EPHA5: variants seen among roughly 807,000 people sequenced by gnomAD.
The protein encoded by EPHA5 is ephrin type-A receptor 5.
Under a neutral mutation model 105.0 loss-of-function variants are expected in EPHA5, and 60 were observed. The ratio of observed to expected loss-of-function variants is 0.57; its 90% CI spans 0.46 to 0.71. The LOEUF (loss-of-function observed/expected upper bound fraction) is 0.71, where lower values mean the gene tolerates loss of function less well. Among genes scored for constraint, EPHA5 ranks in the 30% least tolerant of loss-of-function variants. EPHA5 has a pLI of 0.00. For synonymous variants in EPHA5, 513 were observed against 449.1 expected (o/e 1.14, Z -1.80); for missense variants, 1,218 against 1,274.7 (o/e 0.96, Z 0.68).
intron 16 of EPHA5, among the ~76,000 whole-genome samples, chr4:65,329,241 T>C (rs1720370787): frequency 6.6e-6 from 1 of 151,312 alleles, no homozygotes; most frequent in African/African-American, 2.4e-5. Context: ...GAACACAGAA[T>C]AGAAAGGTTT....
chr4:65,601,178 C>CT (rs1166542062), intron 3 of EPHA5, among the ~76,000 whole-genome samples: 4 of 152,056 alleles, frequency 2.6e-5, no homozygotes, highest in Admixed American at 6.6e-5. Context: ...TATGGCTGAA[C>CT]TTTTTTTCTG....
At chr4:65,529,297 T>A (rs1735538227) in intron 3 of EPHA5, among the ~76,000 whole-genome samples, 1 of 152,110 alleles carries the variant, frequency 6.6e-6, no homozygotes, top group Non-Finnish European at 1.5e-5. Flanking sequence ...AATTTTTGCA[T>A]CATCAAGTTA....
intron 7 of EPHA5, among the ~76,000 whole-genome samples, chr4:65,410,513 A>C (rs776008298): frequency 6.6e-6 from 1 of 152,182 alleles, no homozygotes; most frequent in African/African-American, 2.4e-5. Context: ...TCGGTGGTAG[A>C]TACACAAACT....
At chr4:65,354,030 CTTA>C (rs1345901367) in intron 11 of EPHA5, among the ~76,000 whole-genome samples, 1 of 151,734 alleles carries the variant, frequency 6.6e-6, no homozygotes, top group Non-Finnish European at 1.5e-5. Flanking sequence ...AGAGCAATCA[CTTA>C]TTATTATGGA....
At position 65,411,316 on chromosome 4, in the gene EPHA5, T is replaced by C. The variant is rs577103572; in HGVS notation, c.1687+2968A>G. ...ATTTTGACTTACAAGATAATGTCAA[T>C]GAAAAATAAAAGCACTCATAACATT... On this transcript the variant is annotated intron_variant, in intron 7 of 16. Transcript: ENST00000613740. Among the ~76,000 whole-genome samples, 254 of 152,098 alleles carry C rather than the reference T, an allele frequency of 1.7e-3. 3 individuals carry two copies. Among genetic ancestry groups the C allele is most frequent in the African/African-American group, 5.9e-3 (246 of 41,540 alleles).
chr4:65,406,810 A>AC (rs1722403763), intron 7 of EPHA5, among the ~76,000 whole-genome samples: 1 of 151,868 alleles, frequency 6.6e-6, no homozygotes, highest in South Asian at 2.1e-4. Flanking sequence ...TACCACATCT[A>AC]CCCCCAAAGG....
intron 1 of EPHA5, among the ~76,000 whole-genome samples, chr4:65,653,115 A>G (rs970660207): frequency 7.9e-5 from 12 of 152,238 alleles, no homozygotes; most frequent in African/African-American, 2.9e-4. Flanking sequence ...CAAACTTAAA[A>G]ACAACCTATA....
intron 8 of EPHA5, among the ~76,000 whole-genome samples, chr4:65,391,952 G>C (rs76821909): frequency 0.012 from 1,782 of 152,090 alleles, 36 homozygotes; most frequent in African/African-American, 0.041. Flanking sequence ...TCAAATGTTT[G>C]CCTCAATATA....
At chr4:65,412,651 A>G (rs1488160499) in intron 7 of EPHA5, among the ~76,000 whole-genome samples, 4 of 152,120 alleles carry the variant, frequency 2.6e-5, no homozygotes, top group Admixed American at 2.0e-4. Context: ...ACAGTGGGAG[A>G]TATTTCTTTT....
chr4:65,419,174 G>T (rs776253288), intron 6 of EPHA5, among the ~76,000 whole-genome samples: 2 of 151,728 alleles, frequency 1.3e-5, no homozygotes. Flanking sequence ...ATGAGCCACC[G>T]CACCCGGCCC....
chr4:65,348,243 C>G (rs779261580), intron 13 of EPHA5, 40 bp from the exon 14 acceptor site: 4 of 1,573,150 alleles, frequency 2.5e-6, no homozygotes, highest in Non-Finnish European at 2.6e-6. Flanking sequence ...CTACATACTT[C>G]AAATGTGCCT....
At chr4:65,473,713 A>AG (rs144087949) in intron 5 of EPHA5, among the ~76,000 whole-genome samples, 14,276 of 152,136 alleles carry the variant, frequency 0.094, 774 homozygotes, top group East Asian at 0.2. Context: ...GGGGACACAG[A>AG]TCCAAACCAT....
chr4:65,452,181 G>A (rs957284361), intron 5 of EPHA5, among the ~76,000 whole-genome samples: 69 of 152,106 alleles, frequency 4.5e-4, no homozygotes, highest in Non-Finnish European at 2.9e-4. Flanking sequence ...TATTGATCAT[G>A]CCTGTACATT....
At chr4:65,518,507 T>C (rs1734327804) in intron 3 of EPHA5, among the ~76,000 whole-genome samples, 1 of 151,932 alleles carries the variant, frequency 6.6e-6, no homozygotes, top group African/African-American at 2.4e-5. Context: ...AACTTTGCAA[T>C]CACCAACTAC....
intron 5 of EPHA5, among the ~76,000 whole-genome samples, chr4:65,455,488 C>A (rs1727493055): frequency 6.6e-6 from 1 of 152,014 alleles, no homozygotes; most frequent in African/African-American, 2.4e-5. Context: ...GAAGTAACTT[C>A]TCATAAGGAA....
At chr4:65,667,932 T>C (rs1291526903) in intron 1 of EPHA5, among the ~76,000 whole-genome samples, 7 of 152,142 alleles carry the variant, frequency 4.6e-5, no homozygotes, top group Non-Finnish European at 1.0e-4. Flanking sequence ...TCCAAAGCTG[T>C]TATAATCCTC....
chr4:65,543,913 A>C (rs1737107854), intron 3 of EPHA5, among the ~76,000 whole-genome samples: 2 of 152,080 alleles, frequency 1.3e-5, no homozygotes, highest in Admixed American at 1.3e-4. Context: ...CCTCAGAAAT[A>C]ACACCACACA....
chr4:65,502,296 C>T (rs900898336), intron 3 of EPHA5, among the ~76,000 whole-genome samples: 1 of 151,306 alleles, frequency 6.6e-6, no homozygotes, highest in African/African-American at 2.4e-5. Context: ...GCAAGAAAAA[C>T]TATTAGCAAA....
At chr4:65,370,288 C>T (rs1718330019) in intron 8 of EPHA5, among the ~76,000 whole-genome samples, 1 of 152,086 alleles carries the variant, frequency 6.6e-6, no homozygotes, top group African/African-American at 2.4e-5. Context: ...TATTTTAATA[C>T]ATTGCTCATA....
Sources: gnomAD v4.1 joint callset for allele counts (sites outside exome capture counted in the v4.1 genomes callset) on GRCh38, gnomAD v4.1.1 for gene constraint, MANE v1.5 for transcripts, NCBI Gene and HGNC (gene_info 2026-07-23, HGNC 2026-07-21) for gene names.